The following LRRC28 variants were observed in gnomAD, a reference collection of about 807,000 sequenced individuals.
LRRC28 encodes leucine rich repeat containing 28.
LRRC28 carries 39 observed loss-of-function variants against 45.7 expected under a neutral mutation model. That is an observed-to-expected ratio of 0.85 (90% CI 0.66 to 1.12). The LOEUF (loss-of-function observed/expected upper bound fraction) is 1.12. Among genes scored for constraint, LRRC28 ranks in the 50% most tolerant of loss-of-function variants. The pLI is 0.00. For missense variants in LRRC28, 435 were observed against 438.5 expected (o/e 0.99, Z 0.07); for synonymous variants, 206 against 178.8 (o/e 1.15, Z -1.22).
At chr15:99,376,866 A>G (rs1405076632) in intron 9 of LRRC28, among the ~76,000 whole-genome samples, 2 of 152,190 alleles carry the variant, frequency 1.3e-5, no homozygotes, top group African/African-American at 4.8e-5. Context: ...CCTACAAAGG[A>G]CATGAACTCA....
intron 9 of LRRC28, among the ~76,000 whole-genome samples, chr15:99,382,078 G>A: frequency 6.6e-6 from 1 of 152,268 alleles, no homozygotes; most frequent in East Asian, 1.9e-4. Flanking sequence ...GGACATTTAA[G>A]TCTGCAGAGG....
At chr15:99,275,705 C>G (rs540316978) in intron 2 of LRRC28, among the ~76,000 whole-genome samples, 1 of 152,322 alleles carries the variant, frequency 6.6e-6, no homozygotes, top group South Asian at 2.1e-4. Context: ...TTTCTCCTTG[C>G]TGGGAGTGGC....
At chr15:99,278,119 A>G (rs2081669809) in intron 3 of LRRC28, among the ~76,000 whole-genome samples, 1 of 152,184 alleles carries the variant, frequency 6.6e-6, no homozygotes, top group African/African-American at 2.4e-5. Flanking sequence ...GAAAATACAG[A>G]TAGTGTTACT....
intron 9 of LRRC28, among the ~76,000 whole-genome samples, chr15:99,373,357 AT>A (rs1248544606): frequency 2.0e-5 from 3 of 152,038 alleles, no homozygotes; most frequent in Admixed American, 6.6e-5. Flanking sequence ...AACCAACTTC[AT>A]TTTTTAAAAA....
rs906349671 is a variant in LRRC28, at chr15:99,364,668, C to A, written c.1031+1403C>A. Reference sequence around the variant, plus strand: ...TGATTCCAACTCCACAAGGCCACCTCAGGCAACTTACTGACCATCCCTGAG... The same window carrying A: ...TGATTCCAACTCCACAAGGCCACCTAAGGCAACTTACTGACCATCCCTGAG... On this transcript the variant is annotated intron_variant, in intron 9 of 9. Coordinates refer to ENST00000301981, the MANE Select transcript of LRRC28 (RefSeq NM_144598.5). Among the ~76,000 whole-genome samples the A allele has an allele frequency of 1.6e-4, 25 of 152,174 alleles. 1 individual carries two copies. The highest frequency in any genetic ancestry group is 1.6e-3 in the Admixed American group (25 of 15,280).
chr15:99,377,672 T>G (rs1307859913), intron 9 of LRRC28, among the ~76,000 whole-genome samples: 5 of 152,170 alleles, frequency 3.3e-5, no homozygotes, highest in Non-Finnish European at 7.3e-5. Context: ...TTTTATGGTT[T>G]TAGGTCTAAT....
At position 99,363,091 on chromosome 15, in the gene LRRC28, T is replaced by C; in HGVS notation, c.872-15T>C. On this transcript the variant is annotated splice_polypyrimidine_tract_variant and intron_variant, in intron 8 of 9. Transcript: ENST00000301981. ...ATTTTTTTACTCGTGTGCGTGATTT[T>C]CTTTTGTGTTCCAGATTTGAACTTT... The C allele has an allele frequency of 6.3e-7, 1 of 1,595,228 alleles. No homozygotes were observed. Among genetic ancestry groups the C allele is most frequent in the Non-Finnish European group, 8.5e-7 (1 of 1,170,044 alleles).
chr15:99,301,585 T>C (rs1954971532), intron 5 of LRRC28, among the ~76,000 whole-genome samples: 2 of 152,228 alleles, frequency 1.3e-5, no homozygotes, highest in South Asian at 2.1e-4. Flanking sequence ...TCTTATCCAA[T>C]GTGGTAGGTA....
intron 5 of LRRC28, among the ~76,000 whole-genome samples, chr15:99,309,807 C>G (rs1029732809): frequency 1.3e-5 from 2 of 152,206 alleles, no homozygotes; most frequent in African/African-American, 4.8e-5. Context: ...CAGACCAACC[C>G]TCCCTTGAGG....
chr15:99,376,241 A>G (rs1483448641), intron 9 of LRRC28, among the ~76,000 whole-genome samples: 1 of 152,084 alleles, frequency 6.6e-6, no homozygotes, highest in Non-Finnish European at 1.5e-5. Flanking sequence ...CATTTGATCC[A>G]TGGGTCAAAG....
rs888834680 is a variant in LRRC28 at position 99,389,306 on chromosome 15, G to T, written c.*3204G>T. 2.6e-5 allele frequency: 4 copies of T among 152,138 alleles called. No individual in the cohort carries two copies. The highest frequency in any genetic ancestry group is 5.9e-5 in the Non-Finnish European group (4 of 68,016). 9.4% of individuals were successfully genotyped at this position (152,138 alleles called of 1,614,324 possible). A position where few individuals can be genotyped will look rare whatever the true frequency, so the allele number is the denominator to read the frequency against. On this transcript the variant is annotated 3_prime_UTR_variant, in exon 10 of 10. Coordinates refer to ENST00000301981, the MANE Select transcript of LRRC28 (RefSeq NM_144598.5). ...CTTTACAGTCTAGGGGGAAAAAAAGGCTTCAATACCAGTTGGCTTATGAGG... is the reference window on the plus strand; with the variant it reads ...CTTTACAGTCTAGGGGGAAAAAAAGTCTTCAATACCAGTTGGCTTATGAGG...
chr15:99,325,973 G>T (rs1002308104), intron 5 of LRRC28, among the ~76,000 whole-genome samples: 6 of 152,146 alleles, frequency 3.9e-5, no homozygotes, highest in Non-Finnish European at 7.4e-5. Context: ...CAATGGGAAG[G>T]CTTGTTGGTT....
At chr15:99,381,841 C>T (rs1957835453) in intron 9 of LRRC28, among the ~76,000 whole-genome samples, 1 of 152,246 alleles carries the variant, frequency 6.6e-6, no homozygotes, top group South Asian at 2.1e-4. Flanking sequence ...GGCTGCAGAA[C>T]AGCAAATATT....
At chr15:99,300,570 T>C (rs990160459) in intron 5 of LRRC28, among the ~76,000 whole-genome samples, 1 of 152,240 alleles carries the variant, frequency 6.6e-6, no homozygotes, top group Non-Finnish European at 1.5e-5. Flanking sequence ...CTCATGCCTG[T>C]AATCCCAGCA....
intron 5 of LRRC28, among the ~76,000 whole-genome samples, chr15:99,296,875 T>C (rs922887234): frequency 1.3e-5 from 2 of 152,068 alleles, no homozygotes; most frequent in African/African-American, 4.8e-5. Flanking sequence ...GAAGGAAGTA[T>C]TGAGTGTGTT....
chr15:99,261,280 A>G (rs534096077), intron 2 of LRRC28, among the ~76,000 whole-genome samples: 11 of 152,334 alleles, frequency 7.2e-5, no homozygotes, highest in South Asian at 6.2e-4. Flanking sequence ...CTGGAAAGCA[A>G]TCCTCTCTTT....
At chr15:99,341,157 C>G (rs915298443) in intron 6 of LRRC28, among the ~76,000 whole-genome samples, 5 of 133,610 alleles carry the variant, frequency 3.7e-5, no homozygotes, top group Admixed American at 9.1e-5. Flanking sequence ...GTGGCGTGAT[C>G]TGGGCTCACT....
chr15:99,259,703 A>C, intron 2 of LRRC28: 1 of 1,404,764 alleles, frequency 7.1e-7, no homozygotes, highest in Non-Finnish European at 1.0e-6. Flanking sequence ...GATCAGAGAC[A>C]TGCTTCGACG....
chr15:99,303,017 C>G (rs1477120344), intron 5 of LRRC28, among the ~76,000 whole-genome samples: 1 of 152,104 alleles, frequency 6.6e-6, no homozygotes, highest in African/African-American at 2.4e-5. Flanking sequence ...GGATAAATAC[C>G]TAAGAGTAGA....
Sources: allele counts gnomAD v4.1 joint callset (sites outside exome capture counted in the v4.1 genomes callset), GRCh38; gene constraint gnomAD v4.1.1; transcripts MANE v1.5; gene names NCBI Gene and HGNC (gene_info 2026-07-23, HGNC 2026-07-21).